Variants in KCNN2 observed in about 807,000 individuals in gnomAD.
The protein encoded by KCNN2 is small conductance calcium-activated potassium channel protein 2.
In KCNN2, 24 loss-of-function variants were observed where a neutral mutation model predicts 55.5. The ratio of observed to expected loss-of-function variants is 0.43; its 90% CI spans 0.31 to 0.61. The LOEUF is 0.61. Among genes scored for constraint, KCNN2 ranks in the 20% least tolerant of loss-of-function variants. The pLI is 0.08. For missense variants in KCNN2, 754 were observed against 853.6 expected (o/e 0.88, Z 1.45); for synonymous variants, 431 against 336.1 (o/e 1.28, Z -3.09).
chr5:114,319,798 C>A (rs1047119106), intron 2 of KCNN2, among the ~76,000 whole-genome samples: 1 of 152,136 alleles, frequency 6.6e-6, no homozygotes, highest in Non-Finnish European at 1.5e-5. Flanking sequence ...AAGGTAAGTT[C>A]AAATCAAAGA....
At chr5:114,321,175 G>A (rs1672264016) in intron 2 of KCNN2, among the ~76,000 whole-genome samples, 1 of 152,142 alleles carries the variant, frequency 6.6e-6, no homozygotes, top group Non-Finnish European at 1.5e-5. Context: ...GGGAAGTCTT[G>A]CTTTTCCAAA....
rs376269746 is a variant in KCNN2 at position 114,362,780 on chromosome 5, G to A, written c.641G>A (p.Ser214Asn). 1.2e-5 allele frequency: 19 copies of A among 1,587,698 alleles called. No individual in the cohort carries two copies. Among genetic ancestry groups the A allele is most frequent in the Non-Finnish European group, 1.6e-5 (19 of 1,172,632 alleles). The change falls in exon 1 of 8, where the codon AGC becomes AAC. Residue 214 changes from serine (S) to asparagine (N), a missense_variant. Physicochemically the swap from Ser to Asn is conservative, Grantham distance 46 (BLOSUM62 1). Transcript: ENST00000673685. ...AACCCCTTCACCGAAATAGCCATGA[G>A]CAGCTGCAGGTACAACGGGGGCGTC... Reference protein sequence around the residue: ...ESNPFTEIAMSSCRYNGGVMR... With the variant: ...ESNPFTEIAMNSCRYNGGVMR...
chr5:114,077,644 C>G (rs1750709705), intron 1 of KCNN2, among the ~76,000 whole-genome samples: 1 of 152,150 alleles, frequency 6.6e-6, no homozygotes, highest in South Asian at 2.1e-4. Context: ...TTGTCACTAG[C>G]ATCATTTGGG....
chr5:114,400,335 C>G (rs796930205), intron 2 of KCNN2, among the ~76,000 whole-genome samples: 2 of 152,290 alleles, frequency 1.3e-5, no homozygotes, highest in African/African-American at 4.8e-5. Flanking sequence ...CCAGTGCACT[C>G]ATTGTCTCCA....
intron 2 of KCNN2, among the ~76,000 whole-genome samples, chr5:114,240,491 C>A (rs1190203564): frequency 2.0e-5 from 3 of 148,404 alleles, no homozygotes; most frequent in Non-Finnish European, 4.4e-5. Flanking sequence ...AGTTCAGTGG[C>A]ATGATCTCGA....
chr5:114,391,313 G>A (rs1758445882), intron 2 of KCNN2, among the ~76,000 whole-genome samples: 1 of 151,962 alleles, frequency 6.6e-6, no homozygotes, highest in South Asian at 2.1e-4. Context: ...TATTCATTTG[G>A]TCACTTTTAC....
chr5:114,239,532 AT>A (rs199703230), intron 2 of KCNN2, among the ~76,000 whole-genome samples: 4,544 of 152,302 alleles, frequency 0.03, 232 homozygotes, highest in African/African-American at 0.1. Flanking sequence ...GACAAAAAAA[AT>A]GGGATAGGAC....
chr5:114,278,174 A>G (rs1561551847), intron 2 of KCNN2, among the ~76,000 whole-genome samples: 1 of 152,148 alleles, frequency 6.6e-6, no homozygotes, highest in African/African-American at 2.4e-5. Flanking sequence ...TCACCAGTGG[A>G]GGCTGCAGAA....
chr5:114,465,965 G>GTTGA lies in KCNN2; in HGVS notation c.1779+2778_1779+2781dup, dbSNP rs1018691123. On this transcript the variant is annotated intron_variant, in intron 4 of 7. Coordinates refer to ENST00000673685, the MANE Select transcript of KCNN2 (RefSeq NM_021614.4). ...GTCTTCCTGGGATTCACTTCTGGCA[G>GTTGA]TTGATTACATCTTACATCAGCTCCT... 2.8e-4 allele frequency among the ~76,000 whole-genome samples: 43 copies of GTTGA among 152,300 alleles called. No individual in the cohort carries two copies. The Middle Eastern group carries it at 0.01, about 36-fold the overall frequency.
At chr5:114,421,155 G>C (rs1759460320) in intron 3 of KCNN2, among the ~76,000 whole-genome samples, 1 of 151,322 alleles carries the variant, frequency 6.6e-6, no homozygotes, top group African/African-American at 2.4e-5. Flanking sequence ...CCTTTTTATA[G>C]AATGGTCTTT....
intron 3 of KCNN2, among the ~76,000 whole-genome samples, chr5:114,409,200 C>T (rs1759041271): frequency 6.6e-6 from 1 of 152,082 alleles, no homozygotes; most frequent in Non-Finnish European, 1.5e-5. Context: ...TTTATCATTA[C>T]ACAAATGTGT....
chr5:114,252,996 C>T, intron 2 of KCNN2, among the ~76,000 whole-genome samples: 1 of 152,176 alleles, frequency 6.6e-6, no homozygotes. Flanking sequence ...GGTAAAACTG[C>T]TTTCATTTAA....
intron 2 of KCNN2, among the ~76,000 whole-genome samples, chr5:114,250,784 C>T (rs568350486): frequency 6.6e-6 from 1 of 152,260 alleles, no homozygotes; most frequent in East Asian, 1.9e-4. Context: ...ACTGAGTTGT[C>T]TCTACTGCCT....
chr5:114,356,383 T>C (rs928717151), intron 2 of KCNN2, among the ~76,000 whole-genome samples: 53 of 152,316 alleles, frequency 3.5e-4, no homozygotes, highest in African/African-American at 1.2e-3. Context: ...GGGTGTTGTG[T>C]TTCTAGCTGC....
intron 2 of KCNN2, among the ~76,000 whole-genome samples, chr5:114,251,042 C>T (rs1754847546): frequency 6.6e-6 from 1 of 152,108 alleles, no homozygotes; most frequent in Non-Finnish European, 1.5e-5. Context: ...TCTAATTTCT[C>T]CAAATAATGG....
chr5:114,209,951 T>C (rs1266493567), intron 1 of KCNN2, among the ~76,000 whole-genome samples: 2 of 152,198 alleles, frequency 1.3e-5, no homozygotes. Context: ...TTCAGTGCTT[T>C]CATTATTGTT....
At chr5:114,367,790 T>C (rs1465125713) in intron 2 of KCNN2, among the ~76,000 whole-genome samples, 1 of 152,180 alleles carries the variant, frequency 6.6e-6, no homozygotes. Flanking sequence ...TCTTTTCAGC[T>C]TTAGTATACT....
rs551970562 is a variant in KCNN2, at chr5:114,079,517, C to T, written c.-271+23017C>T. Among the ~76,000 whole-genome samples, 12 of 152,236 alleles carry T rather than the reference C, an allele frequency of 7.9e-5. No individual in the cohort carries two copies. In the Middle Eastern group the frequency reaches 0.01, roughly 129 times the overall value. ...TCTTCTCCTTTCTAGCTCTATGAGC[C>T]TTAGCTGTCTATTCACTCTCTAAGT... On this transcript the variant is annotated intron_variant, in intron 1 of 10. Coordinates refer to the KCNN2 transcript ENST00000512097.
chr5:114,275,046 G>A (rs550591277), intron 2 of KCNN2, among the ~76,000 whole-genome samples: 1 of 152,120 alleles, frequency 6.6e-6, no homozygotes, highest in Admixed American at 6.6e-5. Flanking sequence ...AGCATGAAAG[G>A]CTGTTGAATT....
Sources: gnomAD v4.1 joint callset for allele counts (sites outside exome capture counted in the v4.1 genomes callset) on GRCh38, gnomAD v4.1.1 for gene constraint, MANE v1.5 for transcripts, NCBI Gene and HGNC (gene_info 2026-07-23, HGNC 2026-07-21) for gene names.